QNG1: variants seen among roughly 807,000 people sequenced by gnomAD.
QNG1 encodes Q-nucleotide N-glycosylase 1, also known as queuosine 5'-phosphate N-glycosylase/hydrolase.
the QNG1 span, among the ~76,000 whole-genome samples, chr9:83,954,205 T>C: frequency 2.0e-5 from 3 of 152,264 alleles, no homozygotes; most frequent in East Asian, 5.8e-4. Context: ...GAAATACTTT[T>C]TATTAGGGAG....
chr9:83,945,390 G>C, the QNG1 span, among the ~76,000 whole-genome samples: 3 of 135,690 alleles, frequency 2.2e-5, no homozygotes, highest in Non-Finnish European at 3.1e-5. Flanking sequence ...TACAGAGGGA[G>C]ACCCTGTCTC....
At chr9:83,956,569 T>TG in the QNG1 span, 1 of 1,369,832 alleles carries the variant, frequency 7.3e-7, no homozygotes, top group East Asian at 2.3e-5. Context: ...CTCTGCGCCT[T>TG]GCGCTACTAC....
chr9:83,950,686 C>A, the QNG1 span, among the ~76,000 whole-genome samples: 1 of 150,804 alleles, frequency 6.6e-6, no homozygotes, highest in Non-Finnish European at 1.5e-5. Flanking sequence ...GCTGCCTTGA[C>A]CTCCTTGGGC....
At chr9:83,940,426 T>G in the QNG1 span, among the ~76,000 whole-genome samples, 1 of 151,902 alleles carries the variant, frequency 6.6e-6, no homozygotes, top group Non-Finnish European at 1.5e-5. Context: ...TGCACTCCAG[T>G]CTAGGCAACA....
At chr9:83,955,492 CT>C in the QNG1 span, 1 of 1,614,082 alleles carries the variant, frequency 6.2e-7, no homozygotes, top group Non-Finnish European at 8.5e-7. Context: ...AGCCTCCAAA[CT>C]TCTCCAGCAG....
At chr9:83,946,941 C>A in the QNG1 span, among the ~76,000 whole-genome samples, 5 of 151,302 alleles carry the variant, frequency 3.3e-5, no homozygotes, top group African/African-American at 1.2e-4. Flanking sequence ...CGTGGTGGCA[C>A]GTGCCTGTAG....
chr9:83,939,729 A>G, the QNG1 span: 4 of 1,613,888 alleles, frequency 2.5e-6, no homozygotes, highest in Non-Finnish European at 2.5e-6. Flanking sequence ...CTGTCTCCAT[A>G]TGAGAGCATT....
At chr9:83,952,720 A>G in the QNG1 span, among the ~76,000 whole-genome samples, 2 of 149,862 alleles carry the variant, frequency 1.3e-5, no homozygotes, top group Middle Eastern at 6.9e-3. Flanking sequence ...GCGTCAACCC[A>G]GGAGGCGGAG....
chr9:83,938,928 T>C, the QNG1 span: 1 of 153,218 alleles, frequency 6.5e-6, no homozygotes, highest in African/African-American at 2.4e-5. Context: ...TTTAAATTTT[T>C]GTAGAGATGG....
the QNG1 span, chr9:83,939,668 C>T: frequency 2.1e-5 from 34 of 1,614,008 alleles, no homozygotes; most frequent in African/African-American, 2.7e-5. Flanking sequence ...AAGACAATCC[C>T]GGATCAGCTC....
chr9:83,952,205 A>T, the QNG1 span, among the ~76,000 whole-genome samples: 8 of 152,148 alleles, frequency 5.3e-5, no homozygotes, highest in African/African-American at 1.9e-4. Context: ...GCTGGTCTCG[A>T]CCTCCTGGGC....
chr9:83,956,333 G>C, the QNG1 span: 1 of 1,613,594 alleles, frequency 6.2e-7, no homozygotes, highest in Non-Finnish European at 8.5e-7. Flanking sequence ...CCGCCCTGGG[G>C]TTCAGCTCAT....
At chr9:83,939,475 G>A in the QNG1 span, 58 of 1,376,584 alleles carry the variant, frequency 4.2e-5, no homozygotes, top group African/African-American at 2.9e-4. Flanking sequence ...GATATAAAAC[G>A]CAGGGGGTTT....
the QNG1 span, among the ~76,000 whole-genome samples, chr9:83,946,087 A>G: frequency 6.6e-6 from 1 of 151,980 alleles, no homozygotes; most frequent in Non-Finnish European, 1.5e-5. Flanking sequence ...CAGGAGGATC[A>G]CGAGGTCAGG....
At chr9:83,954,559 G>A in the QNG1 span, among the ~76,000 whole-genome samples, 637 of 151,422 alleles carry the variant, frequency 4.2e-3, 2 homozygotes, top group Non-Finnish European at 7.2e-3. Context: ...TCCAGCCTGG[G>A]AGTCAGAGCA....
At chr9:83,956,035 T>G in the QNG1 span, 1 of 845,436 alleles carries the variant, frequency 1.2e-6, no homozygotes, top group Admixed American at 2.4e-5. Flanking sequence ...CATAAGGACT[T>G]GCAACGAACT....
chr9:83,945,058 G>A, the QNG1 span: 2 of 1,231,948 alleles, frequency 1.6e-6, no homozygotes, highest in Non-Finnish European at 2.2e-6. Context: ...TTTTTTAAAG[G>A]TGCAGTTGAA....
At chr9:83,951,712 T>C in the QNG1 span, among the ~76,000 whole-genome samples, 2 of 152,374 alleles carry the variant, frequency 1.3e-5, no homozygotes, top group African/African-American at 4.8e-5. Context: ...ACAAAGTTAC[T>C]GCATTACTCT....
the QNG1 span, among the ~76,000 whole-genome samples, chr9:83,950,390 G>C: frequency 0.22 from 33,330 of 151,928 alleles, 3,936 homozygotes; most frequent in Middle Eastern, 0.29. Flanking sequence ...TATGGTTTTA[G>C]AAATCAAATG....
Sources: allele counts gnomAD v4.1 joint callset (sites outside exome capture counted in the v4.1 genomes callset), GRCh38; gene constraint gnomAD v4.1.1; transcripts MANE v1.5; gene names NCBI Gene and HGNC (gene_info 2026-07-23, HGNC 2026-07-21).